Variants in CNTLN observed in about 807,000 individuals in gnomAD.
The protein encoded by CNTLN is centlein, centrosomal protein.
In CNTLN, 212 loss-of-function variants were observed where a neutral mutation model predicts 180.0. The ratio of observed to expected loss-of-function variants is 1.18; its 90% CI spans 1.05 to 1.32. CNTLN has a LOEUF of 1.32. Ranked by LOEUF, CNTLN falls within the 40% of genes most tolerant of loss-of-function variation. The probability of loss-of-function intolerance (pLI) is 0.00; values close to 1 mark genes in which losing one functional copy is unlikely to be tolerated. For missense variants in CNTLN, 2,095 were observed against 1,610.9 expected (o/e 1.30, Z -5.14); for synonymous variants, 722 against 563.1 (o/e 1.28, Z -3.99).
chr9:17,260,048 G>T (rs1826835842), intron 5 of CNTLN, among the ~76,000 whole-genome samples: 2 of 143,904 alleles, frequency 1.4e-5, no homozygotes, highest in Non-Finnish European at 1.5e-5. Context: ...TGCTTTTCTA[G>T]TTCTTTTAAT....
intron 19 of CNTLN, among the ~76,000 whole-genome samples, chr9:17,461,222 A>G (rs1236520958): frequency 2.6e-5 from 4 of 151,594 alleles, no homozygotes; most frequent in African/African-American, 9.7e-5. Flanking sequence ...AGCTTAGCAT[A>G]ATCATGGGTG....
chr9:17,353,729 A>C (rs1352392998), intron 12 of CNTLN, among the ~76,000 whole-genome samples: 1 of 151,502 alleles, frequency 6.6e-6, no homozygotes, highest in Non-Finnish European at 1.5e-5. Context: ...CTTCCTGAGT[A>C]GCTGGGATTA....
chr9:17,256,470 G>A (rs536519621), intron 5 of CNTLN, among the ~76,000 whole-genome samples: 5 of 151,576 alleles, frequency 3.3e-5, no homozygotes, highest in African/African-American at 1.2e-4. Context: ...GGTGTGAGAT[G>A]GTATCTCATT....
At chr9:17,146,028 C>A (rs1818436382) in intron 2 of CNTLN, among the ~76,000 whole-genome samples, 1 of 152,090 alleles carries the variant, frequency 6.6e-6, no homozygotes, top group Non-Finnish European at 1.5e-5. Flanking sequence ...CAGTGTGATT[C>A]TTGTTTCTTC....
intron 8 of CNTLN, among the ~76,000 whole-genome samples, chr9:17,328,515 C>T (rs1820447074): frequency 6.6e-6 from 1 of 152,170 alleles, no homozygotes; most frequent in East Asian, 1.9e-4. Flanking sequence ...GTTGACACTT[C>T]ATTTTGCTCA....
chr9:17,263,623 C>T (rs1355081792), intron 5 of CNTLN, among the ~76,000 whole-genome samples: 1 of 146,936 alleles, frequency 6.8e-6, no homozygotes, highest in Non-Finnish European at 1.5e-5. Flanking sequence ...GCCACACTGA[C>T]TTCCACAATG....
At chr9:17,271,939 T>C (rs1827975420) in intron 5 of CNTLN, among the ~76,000 whole-genome samples, 1 of 152,190 alleles carries the variant, frequency 6.6e-6, no homozygotes, top group Admixed American at 6.5e-5. Flanking sequence ...AATATTTGTC[T>C]ATTTTAGTAT....
At position 17,165,118 on chromosome 9, in the gene CNTLN, G is replaced by A. The variant is rs571723815; in HGVS notation, c.449+21742G>A. On this transcript the variant is annotated intron_variant, in intron 2 of 25. Coordinates refer to ENST00000380647, the MANE Select transcript of CNTLN (RefSeq NM_017738.4). ...CTCCCAAAGTGCTGGGATTACAGGC[G>A]TGACCCATTGCGCCCGGCCTCTTAG... 2.6e-5 allele frequency among the ~76,000 whole-genome samples: 4 copies of A among 152,162 alleles called. No individual in the cohort carries two copies. The East Asian group carries it at 5.8e-4, about 22-fold the overall frequency.
At chr9:17,321,037 A>T (rs773902531) in intron 8 of CNTLN, among the ~76,000 whole-genome samples, 1 of 152,196 alleles carries the variant, frequency 6.6e-6, no homozygotes, top group African/African-American at 2.4e-5. Context: ...TTTTCAAAAC[A>T]AATTTATTCC....
chr9:17,158,438 T>A (rs956929744), intron 2 of CNTLN, among the ~76,000 whole-genome samples: 3 of 152,110 alleles, frequency 2.0e-5, no homozygotes, highest in Admixed American at 6.6e-5. Flanking sequence ...TATGAAGAAT[T>A]TTTGAAGAAT....
At chr9:17,272,988 C>G (rs559224108) in intron 5 of CNTLN, among the ~76,000 whole-genome samples, 1 of 151,706 alleles carries the variant, frequency 6.6e-6, no homozygotes, top group Admixed American at 6.6e-5. Flanking sequence ...ATTGTCTTTT[C>G]TTTTTTTACA....
At chr9:17,135,995 A>G (rs1039946179) in intron 1 of CNTLN, among the ~76,000 whole-genome samples, 5 of 152,198 alleles carry the variant, frequency 3.3e-5, no homozygotes, top group African/African-American at 7.2e-5. Flanking sequence ...TTAACCAGCT[A>G]TGGTAATTCC....
chr9:17,138,654 A>G (rs1288029363), intron 1 of CNTLN, among the ~76,000 whole-genome samples: 1 of 152,210 alleles, frequency 6.6e-6, no homozygotes, highest in Non-Finnish European at 1.5e-5. Flanking sequence ...CTAAGTGGCT[A>G]CCTGGTGCCA....
chr9:17,505,831 A>G (rs952972384), downstream of CNTLN, among the ~76,000 whole-genome samples: 1 of 152,172 alleles, frequency 6.6e-6, no homozygotes, highest in African/African-American at 2.4e-5. Context: ...AGTAAAACTA[A>G]GAGCATAATA....
intron 13 of CNTLN, among the ~76,000 whole-genome samples, chr9:17,383,381 G>A (rs1382945994): frequency 6.6e-6 from 1 of 151,682 alleles, no homozygotes; most frequent in Non-Finnish European, 1.5e-5. Flanking sequence ...GGGTGTGGTG[G>A]CACACACTTG....
intron 18 of CNTLN, among the ~76,000 whole-genome samples, chr9:17,445,878 T>C (rs1830381475): frequency 1.3e-5 from 2 of 152,092 alleles, no homozygotes; most frequent in South Asian, 2.1e-4. Flanking sequence ...CCCTGGGCAA[T>C]GGAATGTCCC....
intron 14 of CNTLN, among the ~76,000 whole-genome samples, chr9:17,393,511 G>C (rs1826265145): frequency 6.6e-6 from 1 of 152,042 alleles, no homozygotes; most frequent in Non-Finnish European, 1.5e-5. Flanking sequence ...ATAGTGGGAA[G>C]GGCACAAAAT....
intron 1 of CNTLN, among the ~76,000 whole-genome samples, chr9:17,138,864 G>A (rs1362895994): frequency 1.3e-5 from 2 of 152,236 alleles, no homozygotes; most frequent in South Asian, 2.1e-4. Context: ...TGGGGTGTCT[G>A]TGTTTGTATA....
At chr9:17,401,351 A>G (rs1393709691) in intron 15 of CNTLN, among the ~76,000 whole-genome samples, 1 of 152,150 alleles carries the variant, frequency 6.6e-6, no homozygotes, top group East Asian at 1.9e-4. Flanking sequence ...ATAGTACGGT[A>G]CATTAAAGCA....
Sources: allele counts gnomAD v4.1 joint callset (sites outside exome capture counted in the v4.1 genomes callset), GRCh38; gene constraint gnomAD v4.1.1; transcripts MANE v1.5; gene names NCBI Gene and HGNC (gene_info 2026-07-23, HGNC 2026-07-21).